The following ZDHHC20 variants were observed in gnomAD, a reference collection of about 807,000 sequenced individuals.
ZDHHC20 encodes palmitoyltransferase ZDHHC20.
In ZDHHC20, 43 loss-of-function variants were observed where a neutral mutation model predicts 57.8. The ratio of observed to expected loss-of-function variants is 0.74; its 90% confidence interval spans 0.58 to 0.96. The LOEUF is 0.96. Ranked by LOEUF, ZDHHC20 falls within the 40% of genes least tolerant of loss-of-function variation. The pLI is 0.00. For synonymous variants in ZDHHC20, 157 were observed against 153.0 expected (o/e 1.03, Z -0.19); for missense variants, 391 against 441.1 (o/e 0.89, Z 1.02).
At chr13:21,430,121 AGGAT>A (rs768298138) in intron 1 of ZDHHC20, among the ~76,000 whole-genome samples, 55 of 152,192 alleles carry the variant, frequency 3.6e-4, no homozygotes, top group Non-Finnish European at 5.9e-4. Context: ...GGTTCTTGGT[AGGAT>A]GGATGGTTTT....
chr13:21,405,333 T>C (rs1290323143), intron 4 of ZDHHC20, among the ~76,000 whole-genome samples: 1 of 152,242 alleles, frequency 6.6e-6, no homozygotes, highest in Non-Finnish European at 1.5e-5. Context: ...TAATTGACTT[T>C]TCAAATTCAT....
intron 4 of ZDHHC20, among the ~76,000 whole-genome samples, chr13:21,405,008 T>C (rs909664590): frequency 6.6e-6 from 1 of 152,176 alleles, no homozygotes; most frequent in Admixed American, 6.5e-5. Context: ...CACTTGTATA[T>C]AGTTCTACAA....
At chr13:21,401,628 A>G (rs1305039790) in intron 6 of ZDHHC20, 25 bp downstream of exon 6, 4 of 1,530,576 alleles carry the variant, frequency 2.6e-6, no homozygotes, top group African/African-American at 2.8e-5. Flanking sequence ...CACCAATGCA[A>G]TTTCTTCTGT....
chr13:21,383,068 A>G, intron 9 of ZDHHC20, 59 bp from the exon 10 acceptor site: 2 of 1,407,008 alleles, frequency 1.4e-6, no homozygotes, highest in Non-Finnish European at 2.0e-6. Context: ...AAATGGTCAA[A>G]TTTAACACTC....
intron 4 of ZDHHC20, among the ~76,000 whole-genome samples, chr13:21,409,958 G>A (rs569546969): frequency 6.6e-6 from 1 of 152,188 alleles, no homozygotes; most frequent in Admixed American, 6.5e-5. Context: ...TGGAGGAGGA[G>A]AGGCATTCTG....
chr13:21,381,444 G>C lies in ZDHHC20; in HGVS notation c.1050C>G (p.Ile350Met). 1 of 1,613,004 alleles carries C rather than the reference G, an allele frequency of 6.2e-7. No individual in the cohort carries two copies. The highest frequency in any genetic ancestry group is 1.3e-5 in the African/African-American group (1 of 75,008). ...QWLENGAEEGIVKSGTNNHVT... is the reference protein window; with the variant it reads ...QWLENGAEEGMVKSGTNNHVT... Reference sequence around the variant, plus strand: ...AATGAGAACTATTACCTGATTTGACGATGCCTTCTTCAGCTCCATTCTCCA... The same window carrying C: ...AATGAGAACTATTACCTGATTTGACCATGCCTTCTTCAGCTCCATTCTCCA... Residue 350 changes from isoleucine to methionine, a missense_variant, in exon 11 of 13, where the codon ATC (isoleucine) becomes ATG (methionine). Physicochemically the swap from Ile to Met is conservative, Grantham distance 10. This residue lies in a region of ZDHHC20 where 197 missense variants were observed against 220.8 expected (regional missense o/e 0.89). Transcript: ENST00000400590.
At position 21,427,761 on chromosome 13, in the gene ZDHHC20, G is replaced by C. The variant is rs144689969; in HGVS notation, c.119-2083C>G. ...GAGGCAGGAGAATCACTTGAACCCA[G>C]GGGGCAGAGGTTGCAGTGAGCCAAG... On this transcript the variant is annotated intron_variant, in intron 1 of 12. Coordinates refer to ENST00000400590, the MANE Select transcript of ZDHHC20 (RefSeq NM_001330059.2). Among the ~76,000 whole-genome samples, 3 of 151,442 alleles carry C rather than the reference G, an allele frequency of 2.0e-5. No homozygotes were observed. The East Asian group carries it at 5.8e-4, about 29-fold the overall frequency.
intron 1 of ZDHHC20, among the ~76,000 whole-genome samples, chr13:21,437,605 G>A (rs1338478188): frequency 6.6e-6 from 1 of 152,074 alleles, no homozygotes; most frequent in Non-Finnish European, 1.5e-5. Flanking sequence ...GGGCTCTGAA[G>A]AATTATGCTA....
chr13:21,422,345 T>C (rs975462191), intron 2 of ZDHHC20, among the ~76,000 whole-genome samples: 4 of 152,280 alleles, frequency 2.6e-5, no homozygotes, highest in African/African-American at 9.6e-5. Context: ...TGAAGTACTG[T>C]CCTTCCTTTG....
At position 21,374,853 on chromosome 13, in the gene ZDHHC20, G is replaced by A; in HGVS notation, c.*1843C>T. 3.4e-6 allele frequency: 1 copy of A among 297,070 alleles called. No individual in the cohort carries two copies. The highest frequency in any genetic ancestry group is 6.5e-6 in the Non-Finnish European group (1 of 152,940). The allele number at this position is 297,070 out of a possible 1,614,324, so 18.4% of individuals were successfully genotyped here. Reference sequence around the variant, plus strand: ...AAGGTACTCCAAAAAATTTACCGGGGCGGGGCGTGGTGGCTCACGCCTGTA... The same window carrying A: ...AAGGTACTCCAAAAAATTTACCGGGACGGGGCGTGGTGGCTCACGCCTGTA... On this transcript the variant is annotated 3_prime_UTR_variant, in exon 13 of 13. Transcript: ENST00000400590.
chr13:21,439,636 A>C (rs1414760647), intron 1 of ZDHHC20, among the ~76,000 whole-genome samples: 1 of 152,238 alleles, frequency 6.6e-6, no homozygotes, highest in East Asian at 1.9e-4. Context: ...GACATCTGCA[A>C]TGTGTGATCC....
chr13:21,406,345 C>CTTAA (rs1566083376), intron 4 of ZDHHC20, among the ~76,000 whole-genome samples: 1 of 152,136 alleles, frequency 6.6e-6, no homozygotes, highest in African/African-American at 2.4e-5. Context: ...CTAATTGACT[C>CTTAA]TAGTTAAGCA....
chr13:21,401,778 T>C (rs955783652), intron 5 of ZDHHC20, 93 bp from the exon 6 acceptor site: 46 of 1,141,890 alleles, frequency 4.0e-5, no homozygotes, highest in Non-Finnish European at 1.9e-5. Context: ...TAAAATTCCC[T>C]TTACAACTAC....
chr13:21,421,489 TA>T (rs1483603610), intron 2 of ZDHHC20, among the ~76,000 whole-genome samples: 8 of 152,208 alleles, frequency 5.3e-5, no homozygotes, highest in Non-Finnish European at 2.9e-5. Flanking sequence ...AAGCTCATTT[TA>T]AATGACTTAA....
chr13:21,389,715 T>C (rs1875301095), intron 8 of ZDHHC20, among the ~76,000 whole-genome samples: 1 of 152,164 alleles, frequency 6.6e-6, no homozygotes, highest in African/African-American at 2.4e-5. Flanking sequence ...CCACACCCTA[T>C]CTAAATCCAT....
chr13:21,373,697 G>A lies in ZDHHC20; in HGVS notation c.*2999C>T, dbSNP rs1385024195. ...AAGGTGTCATCACAAAGTGTTTGAA[G>A]GACCAAAGATAGTACTTCTAAAATT... On this transcript the variant is annotated 3_prime_UTR_variant, in exon 13 of 13. Transcript: ENST00000400590. The A allele has an allele frequency of 6.6e-6, 1 of 152,158 alleles. No homozygotes were observed. Among genetic ancestry groups the A allele is most frequent in the African/African-American group, 2.4e-5 (1 of 41,424 alleles). The allele number at this position is 152,158 out of a possible 1,614,324, so 9.4% of individuals were successfully genotyped here.
chr13:21,441,570 T>A (rs1883173680), intron 1 of ZDHHC20, among the ~76,000 whole-genome samples: 1 of 131,260 alleles, frequency 7.6e-6, no homozygotes, highest in African/African-American at 2.8e-5. Flanking sequence ...TTTTTTTTTT[T>A]TTTTTTGTAT....
chr13:21,433,885 T>C (rs1566105138), intron 1 of ZDHHC20, among the ~76,000 whole-genome samples: 2 of 152,242 alleles, frequency 1.3e-5, no homozygotes, highest in Admixed American at 6.5e-5. Context: ...TTTGATGCTA[T>C]TATAAACAGC....
intron 9 of ZDHHC20, among the ~76,000 whole-genome samples, chr13:21,385,747 A>G (rs1874352703): frequency 6.6e-6 from 1 of 152,222 alleles, no homozygotes; most frequent in African/African-American, 2.4e-5. Flanking sequence ...GAAAACTAAG[A>G]ACTTACAGAT....
Sources: allele counts gnomAD v4.1 joint callset (sites outside exome capture counted in the v4.1 genomes callset), GRCh38; gene constraint gnomAD v4.1.1; regional missense constraint gnomAD v4.1.1; transcripts MANE v1.5; gene names NCBI Gene and HGNC (gene_info 2026-07-23, HGNC 2026-07-21).